Variants in DDX10 observed in about 807,000 individuals in gnomAD.
DDX10 encodes DEAD-box helicase 10.
Under a neutral mutation model 104.3 loss-of-function variants are expected in DDX10, and 74 were observed. That is an observed-to-expected ratio of 0.71 (90% CI 0.59 to 0.86). The LOEUF is 0.86. DDX10 is among the 40% of genes least tolerant of loss of function. The probability of loss-of-function intolerance (pLI) is 0.00; values close to 1 mark genes in which losing one functional copy is unlikely to be tolerated. For synonymous variants in DDX10, 351 were observed against 353.4 expected, an observed-to-expected ratio of 0.99 and a Z score of 0.08; for missense variants, 952 against 1,040.0, an observed-to-expected ratio of 0.92 and a Z score of 1.16.
intron 7 of DDX10, among the ~76,000 whole-genome samples, chr11:108,689,266 GT>G (rs1234609299): frequency 6.6e-6 from 1 of 152,170 alleles, no homozygotes; most frequent in East Asian, 1.9e-4. Flanking sequence ...TAGGTATTAT[GT>G]TAAGTGCTAA....
intron 11 of DDX10, among the ~76,000 whole-genome samples, chr11:108,719,104 G>GTTTTTTTTTTTTTT (rs36015980): frequency 7.7e-6 from 1 of 129,530 alleles, no homozygotes; most frequent in African/African-American, 2.9e-5. Flanking sequence ...TATGAAGATA[G>GTTTTTTTTTTTTTT]TTTTTTTTTT....
chr11:108,738,211 G>T (rs528998825), intron 13 of DDX10, among the ~76,000 whole-genome samples: 1 of 148,412 alleles, frequency 6.7e-6, no homozygotes, highest in Non-Finnish European at 1.5e-5. Flanking sequence ...CTATTAAAGC[G>T]CTGTATTTGT....
At chr11:108,773,889 C>T (rs1232997151) in intron 13 of DDX10, among the ~76,000 whole-genome samples, 1 of 152,026 alleles carries the variant, frequency 6.6e-6, no homozygotes, top group Non-Finnish European at 1.5e-5. Context: ...ATATCGGGCC[C>T]AGAGAAGCAT....
chr11:108,908,366 A>C (rs867004852), intron 16 of DDX10, among the ~76,000 whole-genome samples: 1 of 152,228 alleles, frequency 6.6e-6, no homozygotes, highest in Non-Finnish European at 1.5e-5. Flanking sequence ...GGAATCAAAA[A>C]TAGTTTATAA....
intron 17 of DDX10, among the ~76,000 whole-genome samples, chr11:108,931,948 G>A (rs555616997): frequency 6.6e-6 from 1 of 152,044 alleles, no homozygotes; most frequent in East Asian, 1.9e-4. Context: ...TGTTTTTAGT[G>A]AGCCAACAAA....
chr11:108,879,112 C>T (rs1863192373), intron 16 of DDX10, among the ~76,000 whole-genome samples: 1 of 152,032 alleles, frequency 6.6e-6, no homozygotes, highest in Non-Finnish European at 1.5e-5. Context: ...CAAGCGATTC[C>T]CGTGTCAGCC....
chr11:108,822,359 T>A (rs1283386955), intron 13 of DDX10: 1 of 374,374 alleles, frequency 2.7e-6, no homozygotes, highest in African/African-American at 2.1e-5. Context: ...TTTTTGAGAT[T>A]AGCTATCAAG....
chr11:108,667,185 C>T (rs1355166640), intron 1 of DDX10, among the ~76,000 whole-genome samples: 1 of 152,216 alleles, frequency 6.6e-6, no homozygotes, highest in Non-Finnish European at 1.5e-5. Flanking sequence ...GGTGGAACTA[C>T]TCAATTGTTC....
chr11:108,835,363 G>A (rs760654179), intron 13 of DDX10, among the ~76,000 whole-genome samples: 2 of 152,130 alleles, frequency 1.3e-5, no homozygotes, highest in African/African-American at 4.8e-5. Context: ...GTGGAGTCAC[G>A]GACCCCTGGG....
At chr11:108,782,795 A>C (rs1004813121) in intron 13 of DDX10, among the ~76,000 whole-genome samples, 15 of 152,156 alleles carry the variant, frequency 9.9e-5, no homozygotes, top group African/African-American at 3.4e-4. Flanking sequence ...GGGAGTATAC[A>C]TAGAATCCAA....
intron 10 of DDX10, among the ~76,000 whole-genome samples, chr11:108,713,865 G>C (rs1471790492): frequency 3.9e-5 from 6 of 152,150 alleles, no homozygotes. Context: ...GTCTTTTTGT[G>C]AGCCTATGCC....
chr11:108,884,038 AAAT>A (rs1863261781), intron 16 of DDX10, among the ~76,000 whole-genome samples: 1 of 152,078 alleles, frequency 6.6e-6, no homozygotes, highest in South Asian at 2.1e-4. Flanking sequence ...TTCAGCCTTT[AAAT>A]ATCTTTCCAA....
At chr11:108,705,428 G>A (rs1373324496) in intron 9 of DDX10, among the ~76,000 whole-genome samples, 1 of 152,020 alleles carries the variant, frequency 6.6e-6, no homozygotes, top group Admixed American at 6.6e-5. Flanking sequence ...GTTTTTCTCT[G>A]GCTAACCCTG....
At chr11:108,676,875 A>G (rs1284311980) in intron 3 of DDX10, among the ~76,000 whole-genome samples, 1 of 152,108 alleles carries the variant, frequency 6.6e-6, no homozygotes, top group African/African-American at 2.4e-5. Flanking sequence ...CAGCTGAACT[A>G]CCGTGGGGTT....
intron 16 of DDX10, among the ~76,000 whole-genome samples, chr11:108,885,957 C>T (rs1026157794): frequency 6.6e-6 from 1 of 152,048 alleles, no homozygotes; most frequent in Non-Finnish European, 1.5e-5. Flanking sequence ...AAAGATTTTA[C>T]TGGGAAACTG....
intron 16 of DDX10, among the ~76,000 whole-genome samples, chr11:108,852,977 TTCG>T (rs1272644814): frequency 1.3e-5 from 2 of 152,210 alleles, no homozygotes; most frequent in Non-Finnish European, 2.9e-5. Context: ...TATAATATTC[TTCG>T]TCATTTTTTT....
intron 9 of DDX10, among the ~76,000 whole-genome samples, chr11:108,695,140 T>C (rs530520212): frequency 1.3e-5 from 2 of 152,282 alleles, no homozygotes; most frequent in African/African-American, 4.8e-5. Context: ...CATCCAGAAA[T>C]GGATCTTAAG....
chr11:108,917,208 A>C (rs1863762757), intron 16 of DDX10, among the ~76,000 whole-genome samples: 1 of 150,556 alleles, frequency 6.6e-6, no homozygotes, highest in Admixed American at 6.7e-5. Flanking sequence ...AGGACTACAG[A>C]CACATGCCAC....
chr11:108,803,359 C>T (rs573437633), intron 13 of DDX10, among the ~76,000 whole-genome samples: 249 of 151,718 alleles, frequency 1.6e-3, no homozygotes, highest in African/African-American at 5.4e-3. Context: ...TTTGGGAGGC[C>T]GAGGTGGGCG....
Sources: gnomAD v4.1 joint callset for allele counts (sites outside exome capture counted in the v4.1 genomes callset) on GRCh38, gnomAD v4.1.1 for gene constraint, MANE v1.5 for transcripts, NCBI Gene and HGNC (gene_info 2026-07-23, HGNC 2026-07-21) for gene names.